Variants in NINJ2 observed in about 807,000 individuals in gnomAD.
The protein encoded by NINJ2 is ninjurin 2.
A neutral mutation model predicts 11.7 loss-of-function variants in NINJ2; 12 were observed. That is an observed-to-expected ratio of 1.02 (90% confidence interval 0.66 to 1.66). The LOEUF is 1.66. Ranked by LOEUF, NINJ2 falls within the 40% of genes most tolerant of loss-of-function variation. The pLI is 0.00. For synonymous variants in NINJ2, 93 were observed against 76.8 expected, an observed-to-expected ratio of 1.21 and a Z score of -1.10; for missense variants, 187 against 181.8, an observed-to-expected ratio of 1.03 and a Z score of -0.16.
At position 633,223 on chromosome 12, in the gene NINJ2, C is replaced by T. The variant is rs76126506; in HGVS notation, c.33+30105G>A. Among the ~76,000 whole-genome samples, 1 of 151,966 alleles carries T rather than the reference C, an allele frequency of 6.6e-6. No individual in the cohort carries two copies. Among genetic ancestry groups the T allele is most frequent in the African/African-American group, 2.4e-5 (1 of 41,376 alleles). On this transcript the variant is annotated intron_variant, in intron 1 of 3. Coordinates refer to ENST00000305108, the MANE Select transcript of NINJ2 (RefSeq NM_016533.6). This position sits in a 1 kb window ranked among gnomAD's most constrained non-coding sequence, Gnocchi z 4.3. ...TCCATTAAAAAAAAACAAGGCCGGG[C>T]GCGGTGGCTCACACCTGTAATCCTA...
At chr12:639,271 A>C (rs560123100) in intron 1 of NINJ2, among the ~76,000 whole-genome samples, 1 of 152,322 alleles carries the variant, frequency 6.6e-6, no homozygotes, top group East Asian at 1.9e-4. Context: ...AATACTAGTC[A>C]CACTTATATG....
rs1947553280 is a variant in NINJ2, at chr12:581,395, C to G, written c.34-15217G>C. Among the ~76,000 whole-genome samples the G allele has an allele frequency of 6.6e-6, 1 of 152,128 alleles. No individual in the cohort carries two copies. On this transcript the variant is annotated intron_variant, in intron 1 of 3. Coordinates refer to ENST00000305108, the MANE Select transcript of NINJ2 (RefSeq NM_016533.6). This position sits in a 1 kb window ranked among gnomAD's most constrained non-coding sequence, Gnocchi z 4.9. ...ATCAAAGCCGCTCCTGATTGGTGGG[C>G]CAGCCTGAATCTGCTGCGCCTGCCA...
At chr12:642,216 T>C (rs973257269) in intron 1 of NINJ2, among the ~76,000 whole-genome samples, 3 of 152,170 alleles carry the variant, frequency 2.0e-5, no homozygotes, top group Non-Finnish European at 2.9e-5. Flanking sequence ...CTATGCAAAA[T>C]GCCTGCTTCG....
At chr12:584,397 A>G (rs1285125197) in intron 1 of NINJ2, among the ~76,000 whole-genome samples, 1 of 152,162 alleles carries the variant, frequency 6.6e-6, no homozygotes, top group African/African-American at 2.4e-5. Context: ...TTGGCTGGAC[A>G]CGGTGGCTCA....
intron 1 of NINJ2, among the ~76,000 whole-genome samples, chr12:604,372 T>A (rs533642519): frequency 6.6e-6 from 1 of 152,238 alleles, no homozygotes; most frequent in African/African-American, 2.4e-5. Flanking sequence ...GTGCGGTGGC[T>A]CACGCCTGTA....
chr12:643,532 C>G (rs953641457), intron 1 of NINJ2: 1 of 987,990 alleles, frequency 1.0e-6, no homozygotes, highest in African/African-American at 1.7e-5. Context: ...TCACTTAATC[C>G]TCCCAAGACC....
chr12:579,638 C>T (rs889764515), intron 1 of NINJ2, among the ~76,000 whole-genome samples: 1 of 152,128 alleles, frequency 6.6e-6, no homozygotes, highest in African/African-American at 2.4e-5. Context: ...GATCCGCCCC[C>T]ACTCCCTCTT....
At chr12:596,568 C>G (rs2535388) in intron 1 of NINJ2, among the ~76,000 whole-genome samples, 115,570 of 152,044 alleles carry the variant, frequency 0.76, 44,052 homozygotes, top group Middle Eastern at 0.79. Context: ...AAGAAAGAAA[C>G]AAACAAACAA....
chr12:572,290 G>A (rs1029142046), intron 1 of NINJ2, among the ~76,000 whole-genome samples: 2 of 152,222 alleles, frequency 1.3e-5, no homozygotes, highest in African/African-American at 4.8e-5. Context: ...GAACACCCAC[G>A]TGGGAGCTTC....
intron 1 of NINJ2, among the ~76,000 whole-genome samples, chr12:638,085 C>G (rs1046332212): frequency 2.0e-5 from 3 of 152,222 alleles, no homozygotes; most frequent in Admixed American, 1.3e-4. Flanking sequence ...GGAACTCTCC[C>G]CTGCACCCCT....
chr12:634,262 G>GTTTTTTTTTTTTTTTTTTTTT (rs1565643231), intron 1 of NINJ2, among the ~76,000 whole-genome samples: 1 of 75,622 alleles, frequency 1.3e-5, no homozygotes, highest in East Asian at 5.5e-4. Flanking sequence ...ATTAGTTGCA[G>GTTTTTTTTTTTTTTTTTTTTT]TTCTTTTTTT....
chr12:623,383 A>T (rs1235873803), intron 1 of NINJ2, among the ~76,000 whole-genome samples: 1 of 152,116 alleles, frequency 6.6e-6, no homozygotes, highest in Non-Finnish European at 1.5e-5. Flanking sequence ...GCCCTGTGTG[A>T]CACACCTTTC....
intron 1 of NINJ2, among the ~76,000 whole-genome samples, chr12:595,815 C>T (rs1270945238): frequency 6.6e-6 from 1 of 152,138 alleles, no homozygotes; most frequent in East Asian, 1.9e-4. Flanking sequence ...AATTCTTAGA[C>T]TTTTAAAATT....
chr12:661,421 C>T (rs1271685875), intron 1 of NINJ2, among the ~76,000 whole-genome samples: 1 of 152,144 alleles, frequency 6.6e-6, no homozygotes, highest in Non-Finnish European at 1.5e-5. Context: ...GGATAACCTT[C>T]TGAGCAAAGG....
At chr12:567,470 G>T (rs1947316810) in intron 1 of NINJ2, among the ~76,000 whole-genome samples, 1 of 152,204 alleles carries the variant, frequency 6.6e-6, no homozygotes, top group Non-Finnish European at 1.5e-5. Context: ...ATAAAATAAA[G>T]CTTCATGGAT....
chr12:658,941 C>G (rs1381985972), intron 1 of NINJ2, among the ~76,000 whole-genome samples: 1 of 151,448 alleles, frequency 6.6e-6, no homozygotes, highest in Non-Finnish European at 1.5e-5. Flanking sequence ...GGGCAAGGGG[C>G]TATATGGGAG....
chr12:625,277 G>A (rs1279810322), intron 1 of NINJ2, among the ~76,000 whole-genome samples: 1 of 152,142 alleles, frequency 6.6e-6, no homozygotes, highest in East Asian at 1.9e-4. Flanking sequence ...AAGAGCCTTG[G>A]AAGCAGCAGG....
intron 1 of NINJ2, among the ~76,000 whole-genome samples, chr12:575,618 G>A (rs1319012934): frequency 2.0e-5 from 3 of 152,186 alleles, no homozygotes; most frequent in Non-Finnish European, 4.4e-5. Flanking sequence ...TCCTTCTGCT[G>A]CCCACTTTAG....
intron 1 of NINJ2, among the ~76,000 whole-genome samples, chr12:639,452 G>C (rs997648259): frequency 1.3e-5 from 2 of 151,164 alleles, no homozygotes; most frequent in Non-Finnish European, 2.9e-5. Context: ...TCAGGAGCCT[G>C]TGTCCTTAAC....
Sources: allele counts gnomAD v4.1 joint callset (sites outside exome capture counted in the v4.1 genomes callset), GRCh38; gene constraint gnomAD v4.1.1; non-coding constraint Gnocchi (gnomAD v3.1); transcripts MANE v1.5; gene names NCBI Gene and HGNC (gene_info 2026-07-23, HGNC 2026-07-21).